Variants in MVB12B observed in about 807,000 individuals in gnomAD.
MVB12B encodes the protein ESCRT-I complex subunit MVB12B.
In MVB12B, 16 loss-of-function variants were observed where a neutral mutation model predicts 41.6. The ratio of observed to expected loss-of-function variants is 0.38; its 90% CI spans 0.26 to 0.58. The LOEUF is 0.58. MVB12B is among the 20% of genes least tolerant of loss of function. The probability of loss-of-function intolerance (pLI) is 0.62; values close to 1 mark genes in which losing one functional copy is unlikely to be tolerated. For synonymous variants in MVB12B, 133 were observed against 139.7 expected (o/e 0.95, Z 0.34); for missense variants, 274 against 380.2 (o/e 0.72, Z 2.32).
At chr9:126,402,931 T>C (rs1831307515) in intron 6 of MVB12B, among the ~76,000 whole-genome samples, 1 of 152,242 alleles carries the variant, frequency 6.6e-6, no homozygotes, top group Non-Finnish European at 1.5e-5. Context: ...ATGATCCCGC[T>C]GCGCAAGTGG....
In MVB12B at chr9:126,367,836, CTGTG is replaced by C. The variant is rs1387244480; in HGVS notation, c.205-13225_205-13222del. ...GAGGTCAAACCCAGGTCTCCTGCCT[CTGTG>C]TGGCTCTCTTCCCTGCGCCCTCACT... On this transcript the variant is annotated intron_variant, in intron 2 of 9. Coordinates refer to ENST00000361171, the MANE Select transcript of MVB12B (RefSeq NM_033446.3). The surrounding 1 kb of genome is among the most constrained non-coding windows in gnomAD (Gnocchi z 4.3). 1.3e-5 allele frequency among the ~76,000 whole-genome samples: 2 copies of C among 152,208 alleles called. No individual in the cohort carries two copies. The highest frequency in any genetic ancestry group is 2.9e-5 in the Non-Finnish European group (2 of 68,034).
rs772123143 is a variant in MVB12B at position 126,340,619 on chromosome 9, G to A, written c.193G>A (p.Gly65Ser). 37 of 1,614,012 alleles carry A rather than the reference G, an allele frequency of 2.3e-5. No homozygotes were observed. Among genetic ancestry groups the A allele is most frequent in the Non-Finnish European group, 3.1e-5 (37 of 1,179,984 alleles). The stretch of plus-strand genomic sequence containing the variant: ...GGCTTCTCGGAACCGAGCCCCGACA[G>A]GCTATGACGTAGTAAGTCAAGATAC... Reference protein sequence around the residue: ...VVASRNRAPTGYDVVAQTADG... With the variant: ...VVASRNRAPTSYDVVAQTADG... The change falls in exon 2 of 10, where the codon GGC (glycine) becomes AGC (serine). Residue 65 changes from glycine to serine, a missense_variant. By Grantham distance (56) the Gly-to-Ser change is moderately conservative (BLOSUM62 0). Coordinates refer to ENST00000361171, the MANE Select transcript of MVB12B (RefSeq NM_033446.3). The surrounding 1 kb of genome is among the most constrained non-coding windows in gnomAD (Gnocchi z 4.0).
chr9:126,369,264 C>T (rs1029968619), intron 2 of MVB12B, among the ~76,000 whole-genome samples: 3 of 152,180 alleles, frequency 2.0e-5, no homozygotes, highest in African/African-American at 4.8e-5. Flanking sequence ...TCCTTATGCA[C>T]ATTTGTGAGA....
intron 2 of MVB12B, among the ~76,000 whole-genome samples, chr9:126,358,125 C>G (rs528301051): frequency 6.6e-6 from 1 of 152,104 alleles, no homozygotes; most frequent in Non-Finnish European, 1.5e-5. Context: ...ATCAGCTGAT[C>G]GTAGATGTAT....
chr9:126,446,069 A>T (rs1363825638), intron 7 of MVB12B, among the ~76,000 whole-genome samples: 1 of 152,104 alleles, frequency 6.6e-6, no homozygotes, highest in African/African-American at 2.4e-5. Context: ...GTTAAGTCTG[A>T]TATAGATTTG....
intron 2 of MVB12B, among the ~76,000 whole-genome samples, chr9:126,360,932 C>A (rs1372365218): frequency 6.6e-6 from 1 of 152,126 alleles, no homozygotes; most frequent in East Asian, 1.9e-4. Flanking sequence ...ATGAAATATT[C>A]TTTTCCATCC....
At chr9:126,499,240 GT>G (rs1340149673) in intron 9 of MVB12B, among the ~76,000 whole-genome samples, 1 of 152,058 alleles carries the variant, frequency 6.6e-6, no homozygotes, top group Non-Finnish European at 1.5e-5. Context: ...CAGTGGCAGG[GT>G]CCCCGGGACC....
At chr9:126,428,039 C>A (rs1384082125) in intron 7 of MVB12B, among the ~76,000 whole-genome samples, 2 of 151,924 alleles carry the variant, frequency 1.3e-5, no homozygotes, top group African/African-American at 4.8e-5. Flanking sequence ...TAAAAACCAG[C>A]CCCCCTTTCA....
chr9:126,494,900 A>G (rs534576420), intron 9 of MVB12B, among the ~76,000 whole-genome samples: 1 of 151,906 alleles, frequency 6.6e-6, no homozygotes, highest in South Asian at 2.1e-4. Context: ...AGACACCAAA[A>G]TAGCATTTAG....
At chr9:126,482,508 C>T (rs1019269119) in intron 8 of MVB12B, among the ~76,000 whole-genome samples, 11 of 152,040 alleles carry the variant, frequency 7.2e-5, no homozygotes, top group Non-Finnish European at 1.3e-4. Context: ...TCCACGGGGC[C>T]GCGTTGCCAT....
rs1169178675 is a variant in MVB12B, at chr9:126,503,562, A to G, written c.*299A>G. 2 of 440,674 alleles carry G rather than the reference A, an allele frequency of 4.5e-6. No individual in the cohort carries two copies. The highest frequency in any genetic ancestry group is 8.1e-6 in the Non-Finnish European group (2 of 245,502). The allele number at this position is 440,674 out of a possible 1,614,324, so 27.3% of individuals were successfully genotyped here. On this transcript the variant is annotated 3_prime_UTR_variant, in exon 10 of 10. Coordinates refer to ENST00000361171, the MANE Select transcript of MVB12B (RefSeq NM_033446.3). ...TTGTCCTCCAAAAACCTCACTCACCACGGAGTCACCCTGAGGGCCCCGGGC... is the reference window on the plus strand; with the variant it reads ...TTGTCCTCCAAAAACCTCACTCACCGCGGAGTCACCCTGAGGGCCCCGGGC...
chr9:126,412,694 G>A (rs891170977), intron 6 of MVB12B, among the ~76,000 whole-genome samples: 4 of 152,280 alleles, frequency 2.6e-5, no homozygotes, highest in East Asian at 1.9e-4. Context: ...GGCTTCTGTC[G>A]TCAATACCGT....
At chr9:126,453,597 T>C (rs1832921739) in intron 7 of MVB12B, among the ~76,000 whole-genome samples, 1 of 152,208 alleles carries the variant, frequency 6.6e-6, no homozygotes, top group South Asian at 2.1e-4. Flanking sequence ...AGCCTCTGCT[T>C]GCCCATGAGG....
chr9:126,381,003 C>A (rs1480452217), intron 2 of MVB12B, 61 bp from the exon 3 acceptor site: 33 of 1,353,410 alleles, frequency 2.4e-5, no homozygotes, highest in Non-Finnish European at 3.2e-5. Flanking sequence ...AAGTGGCCCA[C>A]GCGCACCTTC....
At chr9:126,368,696 T>C (rs1484569163) in intron 2 of MVB12B, among the ~76,000 whole-genome samples, 1 of 152,180 alleles carries the variant, frequency 6.6e-6, no homozygotes, top group Non-Finnish European at 1.5e-5. Flanking sequence ...CTTATGTTTT[T>C]CTTTTTACCA....
At chr9:126,490,238 A>G (rs1273169940) in intron 9 of MVB12B, among the ~76,000 whole-genome samples, 2 of 152,162 alleles carry the variant, frequency 1.3e-5, no homozygotes, top group African/African-American at 2.4e-5. Flanking sequence ...GGGAGCTTCT[A>G]AAATAATCCT....
intron 7 of MVB12B, among the ~76,000 whole-genome samples, chr9:126,429,497 A>T (rs1313866717): frequency 6.6e-6 from 1 of 152,188 alleles, no homozygotes; most frequent in Non-Finnish European, 1.5e-5. Flanking sequence ...CTGTGTTTAG[A>T]TGGCAGAGTG....
chr9:126,405,625 C>T (rs2119037133), intron 6 of MVB12B, among the ~76,000 whole-genome samples: 2 of 151,516 alleles, frequency 1.3e-5, no homozygotes, highest in South Asian at 4.2e-4. Context: ...CACCCCCTAC[C>T]CCCCGCCCCA....
chr9:126,499,320 A>C (rs1833903514), intron 9 of MVB12B, among the ~76,000 whole-genome samples: 1 of 152,116 alleles, frequency 6.6e-6, no homozygotes, highest in Admixed American at 6.5e-5. Context: ...GAGAGGCCTC[A>C]GGCCCGGGCT....
Sources: gnomAD v4.1 joint callset for allele counts (sites outside exome capture counted in the v4.1 genomes callset) on GRCh38, gnomAD v4.1.1 for gene constraint, Gnocchi (gnomAD v3.1) non-coding constraint, MANE v1.5 for transcripts, NCBI Gene and HGNC (gene_info 2026-07-23, HGNC 2026-07-21) for gene names.